KCND3: variants seen among roughly 807,000 people sequenced by gnomAD.
KCND3 encodes A-type voltage-gated potassium channel KCND3.
Under a neutral mutation model 51.1 loss-of-function variants are expected in KCND3, and 9 were observed. The ratio of observed to expected loss-of-function variants is 0.18; its 90% CI spans 0.11 to 0.31. The LOEUF (loss-of-function observed/expected upper bound fraction) is 0.31. Ranked by LOEUF, KCND3 falls within the 10% of genes least tolerant of loss-of-function variation. The pLI is 1.00. For missense variants in KCND3, 526 were observed against 903.8 expected (o/e 0.58, Z 5.36); for synonymous variants, 349 against 368.0 (o/e 0.95, Z 0.59).
In KCND3 at chr1:111,897,183, C is replaced by T. The variant is rs1347456261; in HGVS notation, c.1106+84438G>A. Among the ~76,000 whole-genome samples the T allele has an allele frequency of 2.6e-5, 4 of 152,316 alleles. No homozygotes were observed. In the East Asian group the frequency reaches 7.7e-4, roughly 29 times the overall value. ...ATGAACTGCAGGACTTTCCTAAGTC[C>T]TCATCCACGTTTAGTGTTTGTAGGA... On this transcript the variant is annotated intron_variant, in intron 2 of 7. Coordinates refer to ENST00000302127, the MANE Select transcript of KCND3 (RefSeq NM_001378969.1).
chr1:111,963,663 T>C (rs2101938385), intron 2 of KCND3, among the ~76,000 whole-genome samples: 1 of 152,326 alleles, frequency 6.6e-6, no homozygotes, highest in Non-Finnish European at 1.5e-5. Context: ...AGCAGATCTC[T>C]AGTTCCAGTG....
intron 2 of KCND3, among the ~76,000 whole-genome samples, chr1:111,897,131 C>T (rs375229071): frequency 6.6e-6 from 1 of 152,230 alleles, no homozygotes; most frequent in African/African-American, 2.4e-5. Flanking sequence ...CACCAGCCCC[C>T]GCCTTCCTAC....
At chr1:111,874,621 C>T (rs751561872) in intron 2 of KCND3, among the ~76,000 whole-genome samples, 11 of 152,092 alleles carry the variant, frequency 7.2e-5, no homozygotes, top group Non-Finnish European at 1.5e-4. Flanking sequence ...TTTTTCTTCC[C>T]AAGGAAGTCA....
At chr1:111,850,133 G>C (rs1172128956) in intron 2 of KCND3, among the ~76,000 whole-genome samples, 3 of 152,120 alleles carry the variant, frequency 2.0e-5, no homozygotes, top group Non-Finnish European at 4.4e-5. Context: ...TGCAGAGCTG[G>C]AGAATATCTG....
intron 2 of KCND3, among the ~76,000 whole-genome samples, chr1:111,898,797 G>C (rs748641221): frequency 5.3e-5 from 8 of 152,080 alleles, no homozygotes; most frequent in Non-Finnish European, 1.2e-4. Context: ...AAGAGGGCAG[G>C]GGGCAGAGTT....
rs1158317681 is a variant in KCND3, at chr1:111,791,597, T to G, written c.1107-4491A>C. Among the ~76,000 whole-genome samples, 5 of 152,368 alleles carry G rather than the reference T, an allele frequency of 3.3e-5. No homozygotes were observed. In the South Asian group the frequency reaches 8.3e-4, roughly 25 times the overall value. Reference sequence around the variant, plus strand: ...TCTGCTCACTAACAAATTACTGTTTTCGTTTAACCTTTTTTCATTTAGATC... The same window carrying G: ...TCTGCTCACTAACAAATTACTGTTTGCGTTTAACCTTTTTTCATTTAGATC... On this transcript the variant is annotated intron_variant, in intron 2 of 7. Transcript: ENST00000302127.
intron 2 of KCND3, among the ~76,000 whole-genome samples, chr1:111,887,919 T>C (rs1669641254): frequency 6.6e-6 from 1 of 152,182 alleles, no homozygotes; most frequent in South Asian, 2.1e-4. Context: ...TCTTACACCT[T>C]AGACCCAACT....
At chr1:111,866,553 C>A (rs1668580282) in intron 2 of KCND3, among the ~76,000 whole-genome samples, 1 of 148,404 alleles carries the variant, frequency 6.7e-6, no homozygotes, top group African/African-American at 2.5e-5. Flanking sequence ...GCATGAGCCA[C>A]TGTGCCTGAC....
chr1:111,908,281 C>G (rs1167517940), intron 2 of KCND3, among the ~76,000 whole-genome samples: 1 of 152,182 alleles, frequency 6.6e-6, no homozygotes, highest in East Asian at 1.9e-4. Context: ...ATATAATTCC[C>G]ATTTACTAGT....
At chr1:111,879,135 G>A (rs1669189617) in intron 2 of KCND3, among the ~76,000 whole-genome samples, 1 of 152,148 alleles carries the variant, frequency 6.6e-6, no homozygotes, top group African/African-American at 2.4e-5. Context: ...CAACTCTCCT[G>A]GGTCTCCAGC....
intron 2 of KCND3, among the ~76,000 whole-genome samples, chr1:111,908,439 A>G (rs1391939625): frequency 6.6e-6 from 1 of 152,224 alleles, no homozygotes; most frequent in Non-Finnish European, 1.5e-5. Flanking sequence ...AACTTGCCCA[A>G]GTTTACACTT....
intron 2 of KCND3, among the ~76,000 whole-genome samples, chr1:111,919,244 G>T (rs974185485): frequency 2.7e-5 from 4 of 150,596 alleles, no homozygotes; most frequent in Non-Finnish European, 5.9e-5. Flanking sequence ...ACAAGTAAAT[G>T]AACAAGATAA....
chr1:111,938,838 A>G (rs985237957), intron 2 of KCND3, among the ~76,000 whole-genome samples: 2 of 152,234 alleles, frequency 1.3e-5, no homozygotes, highest in Non-Finnish European at 2.9e-5. Flanking sequence ...CTTTTACTCA[A>G]AGTGAAAGGA....
At chr1:111,817,902 T>G (rs1221365165) in intron 2 of KCND3, among the ~76,000 whole-genome samples, 1 of 152,190 alleles carries the variant, frequency 6.6e-6, no homozygotes, top group Non-Finnish European at 1.5e-5. Context: ...GAAGCTGTAA[T>G]TAGTTTGCCT....
intron 2 of KCND3, among the ~76,000 whole-genome samples, chr1:111,938,037 C>G (rs919353678): frequency 2.0e-5 from 3 of 152,204 alleles, no homozygotes; most frequent in Non-Finnish European, 4.4e-5. Context: ...CCTGACTTCT[C>G]GACATTTCAG....
intron 2 of KCND3, among the ~76,000 whole-genome samples, chr1:111,931,978 C>T (rs1036696564): frequency 6.6e-6 from 1 of 152,204 alleles, no homozygotes; most frequent in Non-Finnish European, 1.5e-5. Context: ...CCAACGTATA[C>T]AGTTCTGGAG....
chr1:111,825,597 T>C (rs1477843883), intron 2 of KCND3, among the ~76,000 whole-genome samples: 1 of 152,228 alleles, frequency 6.6e-6, no homozygotes, highest in Non-Finnish European at 1.5e-5. Flanking sequence ...GCACAATCAT[T>C]GTAAGAAATC....
intron 2 of KCND3, among the ~76,000 whole-genome samples, chr1:111,841,336 C>T (rs980285352): frequency 1.4e-4 from 21 of 152,214 alleles, no homozygotes; most frequent in African/African-American, 5.1e-4. Flanking sequence ...CCTCGCTGTA[C>T]ATTTCAGGCC....
chr1:111,832,020 G>A (rs1240379240), intron 2 of KCND3, among the ~76,000 whole-genome samples: 1 of 152,130 alleles, frequency 6.6e-6, no homozygotes, highest in African/African-American at 2.4e-5. Context: ...CTCAATGGGG[G>A]GAATATACTG....
Sources: gnomAD v4.1 joint callset for allele counts (sites outside exome capture counted in the v4.1 genomes callset) on GRCh38, gnomAD v4.1.1 for gene constraint, MANE v1.5 for transcripts, NCBI Gene and HGNC (gene_info 2026-07-23, HGNC 2026-07-21) for gene names.